ARHGAP24: variants seen among roughly 807,000 people sequenced by gnomAD.
ARHGAP24 encodes rho GTPase-activating protein 24.
A neutral mutation model predicts 76.4 loss-of-function variants in ARHGAP24; 50 were observed. That is an observed-to-expected ratio of 0.65 (90% CI 0.52 to 0.83). The LOEUF (loss-of-function observed/expected upper bound fraction) is 0.83. Among genes scored for constraint, ARHGAP24 ranks in the 40% least tolerant of loss-of-function variants. The pLI is 0.00. For missense variants in ARHGAP24, 930 were observed against 914.2 expected (o/e 1.02, Z -0.22); for synonymous variants, 345 against 323.3 (o/e 1.07, Z -0.72).
Position 85,570,572 on chromosome 4 carries a change from C to A in ARHGAP24, c.31C>A (p.Pro11Thr), listed in dbSNP as rs1727099626. The change falls in exon 2 of 10, where the codon CCC becomes ACC. Residue 11 changes from proline (P) to threonine (T), a missense_variant. By Grantham distance (38) the Pro-to-Thr change is conservative. Transcript: ENST00000395184. ...GGAGAACAATGACTCCACGGAGAAC[C>A]CCCAACAAGGCCAAGGGCGGCAGAA... MEENNDSTEN[P>T]QQGQGRQNAI... 6.2e-7 allele frequency: 1 copy of A among 1,613,860 alleles called. No homozygotes were observed. The highest frequency in any genetic ancestry group is 1.7e-5 in the Admixed American group (1 of 59,978).
intron 3 of ARHGAP24, among the ~76,000 whole-genome samples, chr4:85,842,757 T>C (rs542526382): frequency 5.3e-5 from 8 of 152,344 alleles, no homozygotes; most frequent in Non-Finnish European, 1.2e-4. Context: ...TTCTGCTTAA[T>C]GTGGTCTGCC....
At chr4:85,899,026 G>A (rs1380783142) in intron 3 of ARHGAP24, among the ~76,000 whole-genome samples, 2 of 152,174 alleles carry the variant, frequency 1.3e-5, no homozygotes, top group South Asian at 2.1e-4. Context: ...TTACAGGCAT[G>A]AGCCACCATG....
Position 85,538,258 on chromosome 4 carries a change from T to C in ARHGAP24, c.-20-32264T>C, listed in dbSNP as rs1352597360. On this transcript the variant is annotated intron_variant, in intron 1 of 9. Transcript: ENST00000395184. ...GCTCAAGAAAGGAAGTAGAAAATTA[T>C]TACTTCCTTTTTGCAAATAAATCTG... is the stretch of plus-strand genomic sequence containing the variant. Among the ~76,000 whole-genome samples, 3 of 152,292 alleles carry C rather than the reference T, an allele frequency of 2.0e-5. No homozygotes were observed. In the East Asian group the frequency reaches 5.8e-4, roughly 29 times the overall value.
At chr4:85,616,024 G>A (rs1436667604) in intron 2 of ARHGAP24, among the ~76,000 whole-genome samples, 1 of 152,160 alleles carries the variant, frequency 6.6e-6, no homozygotes, top group Non-Finnish European at 1.5e-5. Context: ...GCTGGAAGAT[G>A]GCATATTTTA....
At position 85,495,283 on chromosome 4, in the gene ARHGAP24, CTAG is replaced by C. The variant is rs140225712; in HGVS notation, c.-21+19728_-21+19730del. 3.9e-3 allele frequency among the ~76,000 whole-genome samples: 578 copies of C among 149,724 alleles called. 4 individuals carry two copies. The highest frequency in any genetic ancestry group is 7.0e-3 in the Non-Finnish European group (477 of 67,704). Reference sequence around the variant, plus strand: ...TAAAGGGTCAGAAGGAAGAGAGCGGCTAGTAGAAGCTGAAAAGGGGAGAAGTAG... The same window carrying C: ...TAAAGGGTCAGAAGGAAGAGAGCGGCTAGAAGCTGAAAAGGGGAGAAGTAG... On this transcript the variant is annotated intron_variant, in intron 1 of 9. Transcript: ENST00000395184.
At chr4:85,888,262 G>T (rs35999958) in intron 3 of ARHGAP24, among the ~76,000 whole-genome samples, 32,236 of 151,866 alleles carry the variant, frequency 0.21, 4,428 homozygotes, top group Non-Finnish European at 0.31. Context: ...TTAGCCGGAC[G>T]TGGTGGCGCA....
At chr4:85,683,893 G>A (rs993266090) in intron 2 of ARHGAP24, among the ~76,000 whole-genome samples, 4 of 152,090 alleles carry the variant, frequency 2.6e-5, no homozygotes, top group African/African-American at 7.2e-5. Flanking sequence ...TTAGCATAAT[G>A]TCCTCCAGGT....
intron 1 of ARHGAP24, among the ~76,000 whole-genome samples, chr4:85,476,907 T>TA (rs1444021601): frequency 1.3e-5 from 2 of 152,212 alleles, no homozygotes; most frequent in Non-Finnish European, 2.9e-5. Flanking sequence ...AGCTCAGTAA[T>TA]AAAAGTTACC....
intron 3 of ARHGAP24, among the ~76,000 whole-genome samples, chr4:85,832,685 C>T (rs908066584): frequency 6.6e-5 from 10 of 152,114 alleles, no homozygotes; most frequent in East Asian, 3.9e-4. Flanking sequence ...TAGTAGGTAC[C>T]GGTACAACTA....
intron 1 of ARHGAP24, among the ~76,000 whole-genome samples, chr4:85,491,007 T>C (rs1477187739): frequency 6.6e-6 from 1 of 152,214 alleles, no homozygotes; most frequent in Non-Finnish European, 1.5e-5. Flanking sequence ...GTTTGTTTAG[T>C]TTTACATTCT....
At chr4:85,550,772 G>C (rs563712083) in intron 1 of ARHGAP24, among the ~76,000 whole-genome samples, 8 of 152,164 alleles carry the variant, frequency 5.3e-5, no homozygotes, top group African/African-American at 1.9e-4. Flanking sequence ...CACCTCCCTG[G>C]TTAGATGTAT....
intron 6 of ARHGAP24, chr4:85,972,379 A>T: frequency 1.6e-6 from 1 of 613,778 alleles, no homozygotes; most frequent in Non-Finnish European, 2.8e-6. Flanking sequence ...ATGGCTGAAT[A>T]AATTAAATCA....
intron 3 of ARHGAP24, among the ~76,000 whole-genome samples, chr4:85,736,517 A>G (rs1427203088): frequency 6.6e-6 from 1 of 152,176 alleles, no homozygotes; most frequent in African/African-American, 2.4e-5. Context: ...TGGTTAAGTT[A>G]ATCAAACATT....
At chr4:85,547,042 T>C (rs1329830474) in intron 1 of ARHGAP24, among the ~76,000 whole-genome samples, 4 of 152,224 alleles carry the variant, frequency 2.6e-5, no homozygotes, top group Non-Finnish European at 2.9e-5. Flanking sequence ...ACTGCAGTTA[T>C]GAAATGATCA....
chr4:85,696,309 A>G (rs1465310393), intron 2 of ARHGAP24, among the ~76,000 whole-genome samples: 1 of 152,166 alleles, frequency 6.6e-6, no homozygotes, highest in African/African-American at 2.4e-5. Flanking sequence ...TAAATTCCTA[A>G]AAGTAAATAC....
chr4:85,516,641 G>T (rs2078049), intron 1 of ARHGAP24, among the ~76,000 whole-genome samples: 32,803 of 149,622 alleles, frequency 0.22, 4,591 homozygotes, highest in East Asian at 0.55. Context: ...GATTTTGTGG[G>T]TTTTTTTCTT....
intron 2 of ARHGAP24, among the ~76,000 whole-genome samples, chr4:85,689,411 G>A (rs149073069): frequency 2.0e-5 from 3 of 152,020 alleles, no homozygotes; most frequent in Non-Finnish European, 4.4e-5. Context: ...TTTTGAAACA[G>A]AGTCTTGCTC....
At chr4:85,879,311 A>G (rs1418309723) in intron 3 of ARHGAP24, among the ~76,000 whole-genome samples, 1 of 152,112 alleles carries the variant, frequency 6.6e-6, no homozygotes, top group Admixed American at 6.6e-5. Flanking sequence ...TCATTTCTGT[A>G]CGACACGTTA....
intron 3 of ARHGAP24, among the ~76,000 whole-genome samples, chr4:85,894,796 G>C (rs1268306186): frequency 1.3e-5 from 2 of 151,500 alleles, no homozygotes; most frequent in African/African-American, 2.4e-5. Flanking sequence ...GCCTGTCTCT[G>C]TTAAAAATAC....
Sources: allele counts gnomAD v4.1 joint callset (sites outside exome capture counted in the v4.1 genomes callset), GRCh38; gene constraint gnomAD v4.1.1; transcripts MANE v1.5; gene names NCBI Gene and HGNC (gene_info 2026-07-23, HGNC 2026-07-21).